The following KCNN2 variants were observed in gnomAD, a reference collection of about 807,000 sequenced individuals.
KCNN2 encodes small conductance calcium-activated potassium channel protein 2.
A neutral mutation model predicts 55.5 loss-of-function variants in KCNN2; 24 were observed. The ratio of observed to expected loss-of-function variants is 0.43; its 90% CI spans 0.31 to 0.61. KCNN2 has a LOEUF of 0.61. Among genes scored for constraint, KCNN2 ranks in the 20% least tolerant of loss-of-function variants. The pLI, the probability that KCNN2 is intolerant of heterozygous loss-of-function variation, is 0.08. For missense variants in KCNN2, 754 were observed against 853.6 expected, an observed-to-expected ratio of 0.88 and a Z score of 1.45; for synonymous variants, 431 against 336.1, an observed-to-expected ratio of 1.28 and a Z score of -3.09.
At chr5:114,393,269 C>A (rs1281642636) in intron 2 of KCNN2, among the ~76,000 whole-genome samples, 1 of 151,970 alleles carries the variant, frequency 6.6e-6, no homozygotes, top group Non-Finnish European at 1.5e-5. Flanking sequence ...AAAGGTTAAC[C>A]AAGACATCTT....
intron 3 of KCNN2, among the ~76,000 whole-genome samples, chr5:114,461,469 G>A (rs1363062572): frequency 2.0e-5 from 3 of 152,112 alleles, no homozygotes; most frequent in Non-Finnish European, 4.4e-5. Flanking sequence ...CAGGAGATCA[G>A]TGATTGCCCT....
intron 2 of KCNN2, among the ~76,000 whole-genome samples, chr5:114,225,996 T>C (rs544069383): frequency 7.2e-5 from 11 of 152,294 alleles, no homozygotes; most frequent in African/African-American, 2.2e-4. Flanking sequence ...CTGTGGTTTA[T>C]TGAAAACAAA....
intron 3 of KCNN2, among the ~76,000 whole-genome samples, chr5:114,461,008 C>CTAGAGAGCCCCAATATTATTAATAGATTA (rs1396672396): frequency 1.3e-5 from 2 of 152,122 alleles, no homozygotes; most frequent in African/African-American, 4.8e-5. Context: ...GGAATACTTA[C>CTAGAGAGCCCCAATATTATTAATAGATTA]TAGAGAGCCC....
intron 1 of KCNN2, among the ~76,000 whole-genome samples, chr5:114,074,023 T>C (rs1161475061): frequency 6.6e-6 from 1 of 152,222 alleles, no homozygotes; most frequent in Non-Finnish European, 1.5e-5. Context: ...CTCTAATATC[T>C]ACAACTTTCA....
intron 2 of KCNN2, among the ~76,000 whole-genome samples, chr5:114,232,925 G>GTTGTTTT: frequency 1.3e-5 from 1 of 76,282 alleles, no homozygotes; most frequent in African/African-American, 4.6e-5. Context: ...ATTGTTTCTT[G>GTTGTTTT]TTTTTTTTTT....
At chr5:114,214,192 C>T (rs375281707) in intron 1 of KCNN2, among the ~76,000 whole-genome samples, 71 of 152,000 alleles carry the variant, frequency 4.7e-4, no homozygotes, top group Non-Finnish European at 3.1e-4. Flanking sequence ...TAAATAGCTT[C>T]GTATGCCATA....
chr5:114,460,456 C>T (rs1761141658), intron 3 of KCNN2, among the ~76,000 whole-genome samples: 1 of 152,044 alleles, frequency 6.6e-6, no homozygotes, highest in Non-Finnish European at 1.5e-5. Context: ...TTGGCCCAAG[C>T]TGGTCCCGAA....
intron 1 of KCNN2, among the ~76,000 whole-genome samples, chr5:114,154,862 A>G (rs1194121082): frequency 6.6e-6 from 1 of 152,060 alleles, no homozygotes; most frequent in Non-Finnish European, 1.5e-5. Context: ...CAATAGAAAT[A>G]TTTTGCTCTA....
chr5:114,403,853 G>A (rs920395840), intron 2 of KCNN2, among the ~76,000 whole-genome samples: 2 of 152,138 alleles, frequency 1.3e-5, no homozygotes, highest in African/African-American at 2.4e-5. Flanking sequence ...GGCTATGGAC[G>A]AATAGAAGAA....
intron 2 of KCNN2, among the ~76,000 whole-genome samples, chr5:114,307,672 C>G (rs966935729): frequency 7.2e-5 from 11 of 152,182 alleles, no homozygotes; most frequent in African/African-American, 2.7e-4. Flanking sequence ...CTAGACCTTT[C>G]TGGAAATAGT....
At chr5:114,114,001 T>C (rs969980164) in intron 1 of KCNN2, among the ~76,000 whole-genome samples, 4 of 152,132 alleles carry the variant, frequency 2.6e-5, no homozygotes, top group Non-Finnish European at 5.9e-5. Flanking sequence ...TTCAGTATCA[T>C]AGATAGTCTG....
intron 2 of KCNN2, among the ~76,000 whole-genome samples, chr5:114,396,949 C>A (rs1342029189): frequency 6.6e-6 from 1 of 152,146 alleles, no homozygotes; most frequent in Non-Finnish European, 1.5e-5. Flanking sequence ...GTGATTAGCT[C>A]CCACTTATAA....
chr5:114,196,877 G>T (rs1206827348), intron 1 of KCNN2, among the ~76,000 whole-genome samples: 1 of 151,244 alleles, frequency 6.6e-6, no homozygotes, highest in Admixed American at 6.6e-5. Context: ...CCTTCTTTCT[G>T]CTTGCTTTAT....
chr5:114,093,115 T>C (rs1751182097), intron 1 of KCNN2, among the ~76,000 whole-genome samples: 1 of 152,078 alleles, frequency 6.6e-6, no homozygotes, highest in Admixed American at 6.5e-5. Context: ...AAACATAAGT[T>C]CCAATTTCAG....
chr5:114,276,073 C>T (rs1217997147), intron 2 of KCNN2, among the ~76,000 whole-genome samples: 2 of 152,146 alleles, frequency 1.3e-5, no homozygotes, highest in African/African-American at 2.4e-5. Flanking sequence ...TTTCTGCCTT[C>T]ATTTCGTTAT....
chr5:114,355,190 A>C (rs942883567), intron 2 of KCNN2, among the ~76,000 whole-genome samples: 1 of 152,192 alleles, frequency 6.6e-6, no homozygotes, highest in Non-Finnish European at 1.5e-5. Flanking sequence ...AGTTAGACGA[A>C]GAGTAGTAGA....
At chr5:114,077,010 G>C (rs1214381898) in intron 1 of KCNN2, among the ~76,000 whole-genome samples, 2 of 152,248 alleles carry the variant, frequency 1.3e-5, no homozygotes, top group East Asian at 3.9e-4. Context: ...CTTTTTAATA[G>C]TGATAAATGA....
intron 1 of KCNN2, among the ~76,000 whole-genome samples, chr5:114,136,081 CA>C (rs1165934704): frequency 2.6e-5 from 4 of 151,932 alleles, no homozygotes. Context: ...TGAGTTCCCA[CA>C]AAAATAGATG....
Position 114,115,016 on chromosome 5 carries a change from A to G in KCNN2, c.-271+58516A>G, listed in dbSNP as rs535356335. On this transcript the variant is annotated intron_variant, in intron 1 of 10. Coordinates refer to the KCNN2 transcript ENST00000512097. ...ATATATATAATGTAAAAATAATTTG[A>G]TGTCTGCCTGCATACCTATGAGTTA... Among the ~76,000 whole-genome samples, 34 of 152,230 alleles carry G rather than the reference A, an allele frequency of 2.2e-4. 1 individual carries two copies. Among genetic ancestry groups the G allele is most frequent in the Admixed American group, 1.8e-3 (28 of 15,278 alleles).
Sources: gnomAD v4.1 joint callset for allele counts (sites outside exome capture counted in the v4.1 genomes callset) on GRCh38, gnomAD v4.1.1 for gene constraint, MANE v1.5 for transcripts, NCBI Gene and HGNC (gene_info 2026-07-23, HGNC 2026-07-21) for gene names.